Variants in RFTN2 observed in about 807,000 individuals in gnomAD.
RFTN2 encodes the protein raftlin-2.
In RFTN2, 34 loss-of-function variants were observed where a neutral mutation model predicts 52.7. The observed-to-expected ratio is 0.64, with a 90% CI of 0.49 to 0.86. RFTN2 has a LOEUF of 0.86. Ranked by LOEUF, RFTN2 falls within the 40% of genes least tolerant of loss-of-function variation. RFTN2 has a pLI of 0.00. For missense variants in RFTN2, 536 were observed against 600.1 expected (o/e 0.89, Z 1.12); for synonymous variants, 203 against 217.7 (o/e 0.93, Z 0.59).
Position 197,570,511 on chromosome 2 carries a change from G to A in RFTN2, c.*1497C>T, listed in dbSNP as rs564573930. ...TGGGAGGACAAGGCAGGCAGATCAT[G>A]AGGTCAAGAGATCGAGACCATCCTG... On this transcript the variant is annotated 3_prime_UTR_variant, in exon 9 of 9. Coordinates refer to ENST00000295049, the MANE Select transcript of RFTN2 (RefSeq NM_144629.3). 6.6e-6 allele frequency: 1 copy of A among 152,368 alleles called. No homozygotes were observed. The highest frequency in any genetic ancestry group is 2.4e-5 in the African/African-American group (1 of 41,574). The allele number at this position is 152,368 out of a possible 1,614,324, so 9.4% of individuals were successfully genotyped here. A position where few individuals can be genotyped will look rare whatever the true frequency, so the allele number is the denominator to read the frequency against.
chr2:197,600,645 A>C (rs2087865204), intron 7 of RFTN2, among the ~76,000 whole-genome samples: 1 of 152,182 alleles, frequency 6.6e-6, no homozygotes. Context: ...TTTTTCCCTT[A>C]GCAAACTGGT....
intron 5 of RFTN2, among the ~76,000 whole-genome samples, chr2:197,628,516 T>C (rs2088406482): frequency 6.6e-6 from 1 of 152,124 alleles, no homozygotes; most frequent in African/African-American, 2.4e-5. Context: ...CTGAGAGAGA[T>C]TGTGAAAAGT....
intron 8 of RFTN2, among the ~76,000 whole-genome samples, chr2:197,590,899 T>C (rs1476312043): frequency 6.6e-6 from 1 of 152,118 alleles, no homozygotes; most frequent in Non-Finnish European, 1.5e-5. Flanking sequence ...CAGCACAATT[T>C]ATTGCAAAAA....
intron 7 of RFTN2, among the ~76,000 whole-genome samples, chr2:197,606,380 G>A (rs2087962539): frequency 6.6e-6 from 1 of 152,176 alleles, no homozygotes; most frequent in Non-Finnish European, 1.5e-5. Context: ...GCATGAATCT[G>A]TATCAGTTTC....
At chr2:197,608,020 T>C (rs1443671660) in intron 7 of RFTN2, among the ~76,000 whole-genome samples, 3 of 152,246 alleles carry the variant, frequency 2.0e-5, no homozygotes, top group African/African-American at 7.2e-5. Context: ...ACACTGTTTC[T>C]GCAAAATTTA....
chr2:197,638,106 G>A, intron 3 of RFTN2, among the ~76,000 whole-genome samples: 1 of 150,746 alleles, frequency 6.6e-6, no homozygotes, highest in Non-Finnish European at 1.5e-5. Flanking sequence ...CTGAGAGATA[G>A]TTTGTTATAA....
intron 3 of RFTN2, among the ~76,000 whole-genome samples, chr2:197,639,779 G>A (rs2088630808): frequency 7.0e-6 from 1 of 143,294 alleles, no homozygotes; most frequent in Non-Finnish European, 1.5e-5. Flanking sequence ...TCTGTTGCTG[G>A]TGAGGAACTG....
intron 5 of RFTN2, among the ~76,000 whole-genome samples, chr2:197,625,234 A>G (rs1025911374): frequency 5.3e-5 from 8 of 152,200 alleles, no homozygotes; most frequent in Non-Finnish European, 1.2e-4. Context: ...ATATTCTGCA[A>G]ACTTGTGAAC....
Position 197,572,221 on chromosome 2 carries a change from G to A in RFTN2, c.1293C>T (p.Ile431=), listed in dbSNP as rs746015024. 4 of 1,614,230 alleles carry A rather than the reference G, an allele frequency of 2.5e-6. No individual in the cohort carries two copies. The highest frequency in any genetic ancestry group is 2.7e-5 in the African/African-American group (2 of 75,066). ...GTTGTGACGAGGTTGTGTCTAATCC[G>A]ATGCTTCTACTAGTGGCTTTATTCT... ...EDKNKATSRS[I]GLDTTSSQPA... Residue 431 remains isoleucine, a synonymous_variant, in exon 9 of 9, where the codon ATC becomes ATT. Coordinates refer to ENST00000295049, the MANE Select transcript of RFTN2 (RefSeq NM_144629.3).
At chr2:197,595,516 G>A (rs2087781055) in intron 8 of RFTN2, among the ~76,000 whole-genome samples, 1 of 152,232 alleles carries the variant, frequency 6.6e-6, no homozygotes, top group South Asian at 2.1e-4. Flanking sequence ...GGGAAAAGGA[G>A]TTTGGGCTTC....
chr2:197,663,318 G>T (rs1280709136), intron 1 of RFTN2, among the ~76,000 whole-genome samples: 1 of 151,810 alleles, frequency 6.6e-6, no homozygotes, highest in African/African-American at 2.4e-5. Flanking sequence ...TTGTTGTGTT[G>T]GCCTTACAGA....
chr2:197,635,349 A>C (rs2088548360), intron 3 of RFTN2, among the ~76,000 whole-genome samples: 1 of 152,202 alleles, frequency 6.6e-6, no homozygotes, highest in South Asian at 2.1e-4. Context: ...TTACAGTCCC[A>C]CCAACAGTGT....
At chr2:197,614,438 T>C (rs1023266777) in intron 7 of RFTN2, among the ~76,000 whole-genome samples, 1 of 152,116 alleles carries the variant, frequency 6.6e-6, no homozygotes, top group Non-Finnish European at 1.5e-5. Flanking sequence ...ACCTGCACAA[T>C]CACTGTCCTC....
chr2:197,583,967 T>C (rs1371922832), intron 8 of RFTN2, among the ~76,000 whole-genome samples: 1 of 73,290 alleles, frequency 1.4e-5, no homozygotes, highest in Non-Finnish European at 2.7e-5. Context: ...TCATCCTTTT[T>C]TATGGCGCAT....
chr2:197,593,116 T>C (rs1016267671), intron 8 of RFTN2, among the ~76,000 whole-genome samples: 1 of 152,190 alleles, frequency 6.6e-6, no homozygotes, highest in South Asian at 2.1e-4. Flanking sequence ...ATTATTAGAT[T>C]TGTCATTGAT....
intron 5 of RFTN2, among the ~76,000 whole-genome samples, chr2:197,618,644 C>A (rs2088193504): frequency 6.6e-6 from 1 of 150,448 alleles, no homozygotes; most frequent in African/African-American, 2.5e-5. Context: ...AAGTGAGGAG[C>A]GCCTCTTCCC....
intron 3 of RFTN2, among the ~76,000 whole-genome samples, chr2:197,639,354 C>T (rs145606670): frequency 0.024 from 3,591 of 151,802 alleles, 136 homozygotes; most frequent in African/African-American, 0.082. Context: ...TGGTTCCATT[C>T]TCCGCATCAC....
Position 197,641,924 on chromosome 2 carries a change from C to T in RFTN2, c.438+2234G>A, listed in dbSNP as rs568558016. On this transcript the variant is annotated intron_variant, in intron 3 of 8. Transcript: ENST00000295049. Reference sequence around the variant, plus strand: ...CTTTCCTGTTTAAATAGATCTTTAACTGTGTCCAGGAAGTCAAATGCAAAA... The same window carrying T: ...CTTTCCTGTTTAAATAGATCTTTAATTGTGTCCAGGAAGTCAAATGCAAAA... 3.8e-3 allele frequency among the ~76,000 whole-genome samples: 584 copies of T among 152,284 alleles called. 7 individuals carry two copies. The South Asian group carries it at 0.041, about 11-fold the overall frequency.
intron 1 of RFTN2, among the ~76,000 whole-genome samples, chr2:197,660,184 T>C (rs762703908): frequency 3.3e-5 from 5 of 152,236 alleles, no homozygotes; most frequent in African/African-American, 7.2e-5. Flanking sequence ...ATCTGGATCA[T>C]ATTAATTCAG....
Sources: gnomAD v4.1 joint callset for allele counts (sites outside exome capture counted in the v4.1 genomes callset) on GRCh38, gnomAD v4.1.1 for gene constraint, MANE v1.5 for transcripts, NCBI Gene and HGNC (gene_info 2026-07-23, HGNC 2026-07-21) for gene names.